Variants in PHACTR1 observed in about 807,000 individuals in gnomAD.
PHACTR1 encodes the protein phosphatase and actin regulator 1.
In PHACTR1, 16 loss-of-function variants were observed where a neutral mutation model predicts 69.2. The ratio of observed to expected loss-of-function variants is 0.23; its 90% confidence interval spans 0.16 to 0.35. The LOEUF is 0.35. Ranked by LOEUF, PHACTR1 falls within the 10% of genes least tolerant of loss-of-function variation. The probability of loss-of-function intolerance (pLI) is 1.00; values close to 1 mark genes in which losing one functional copy is unlikely to be tolerated. For missense variants in PHACTR1, 510 were observed against 734.7 expected, an observed-to-expected ratio of 0.69 and a Z score of 3.54; for synonymous variants, 312 against 284.5, an observed-to-expected ratio of 1.10 and a Z score of -0.97.
chr6:12,875,561 T>C (rs1324284771), intron 4 of PHACTR1, among the ~76,000 whole-genome samples: 2 of 152,208 alleles, frequency 1.3e-5, no homozygotes, highest in African/African-American at 2.4e-5. Flanking sequence ...GTCTTTATTA[T>C]CTTGTTCTTG....
chr6:12,726,675 T>C (rs1762835042), intron 3 of PHACTR1, among the ~76,000 whole-genome samples: 1 of 152,188 alleles, frequency 6.6e-6, no homozygotes. Context: ...GAGCCCTTCA[T>C]GTCATGACCT....
At chr6:13,214,363 T>A (rs1767358986) in intron 8 of PHACTR1, 1 of 152,216 alleles carries the variant, frequency 6.6e-6, no homozygotes, top group South Asian at 2.1e-4. Context: ...AGATCTTTAC[T>A]TGTCATGCCT....
intron 10 of PHACTR1, among the ~76,000 whole-genome samples, chr6:13,249,455 G>A (rs1584222911): frequency 6.6e-6 from 1 of 152,196 alleles, no homozygotes; most frequent in East Asian, 1.9e-4. Context: ...TGTGTTAAAG[G>A]CCCCAGAAGA....
At chr6:12,991,171 G>T (rs1173707840) in intron 4 of PHACTR1, among the ~76,000 whole-genome samples, 1 of 152,130 alleles carries the variant, frequency 6.6e-6, no homozygotes, top group East Asian at 1.9e-4. Flanking sequence ...CCTGTCCCTT[G>T]TTCCAGGAGG....
chr6:13,252,371 G>A (rs556001520), intron 10 of PHACTR1, among the ~76,000 whole-genome samples: 4 of 149,406 alleles, frequency 2.7e-5, no homozygotes, highest in Admixed American at 2.7e-4. Flanking sequence ...AAAGAAAAAA[G>A]TCTAAAAAAG....
intron 4 of PHACTR1, among the ~76,000 whole-genome samples, chr6:12,990,117 G>T (rs1796646879): frequency 2.6e-5 from 4 of 152,124 alleles, no homozygotes; most frequent in Non-Finnish European, 5.9e-5. Flanking sequence ...CACCCCACAA[G>T]CCCTTTTCCC....
intron 10 of PHACTR1, among the ~76,000 whole-genome samples, chr6:13,253,297 T>C (rs1291179284): frequency 6.6e-6 from 1 of 152,204 alleles, no homozygotes; most frequent in Non-Finnish European, 1.5e-5. Context: ...ATTTTTAACG[T>C]TTCATCCCTT....
chr6:12,959,202 A>AG lies in PHACTR1; in HGVS notation c.251-94163_251-94162insG, dbSNP rs1554181518. Among the ~76,000 whole-genome samples the AG allele has an allele frequency of 2.3e-3, 160 of 69,046 alleles. 1 individual carries two copies. The highest frequency in any genetic ancestry group is 0.016 in the African/African-American group (151 of 9,330). The allele number at this position is 69,046 out of a possible 152,430, so 45.3% of individuals were successfully genotyped here. ...AAAAAAAAAAAAAAAAAAAGAAAAG[A>AG]AAAAAAAAAGAAAAGAAAACAGAAA... On this transcript the variant is annotated intron_variant, in intron 4 of 14. Coordinates refer to ENST00000332995, the MANE Select transcript of PHACTR1 (RefSeq NM_030948.6).
At chr6:13,126,773 T>C (rs1819601883) in intron 5 of PHACTR1, among the ~76,000 whole-genome samples, 1 of 152,212 alleles carries the variant, frequency 6.6e-6, no homozygotes, top group Non-Finnish European at 1.5e-5. Flanking sequence ...ATCACACAAT[T>C]AGTAAATGGT....
At chr6:12,974,078 C>T (rs563584705) in intron 4 of PHACTR1, among the ~76,000 whole-genome samples, 38 of 152,068 alleles carry the variant, frequency 2.5e-4, no homozygotes, top group African/African-American at 7.0e-4. Context: ...TGCGCCACCA[C>T]GCCCGGCTAA....
At chr6:12,875,930 C>T (rs1348843118) in intron 4 of PHACTR1, among the ~76,000 whole-genome samples, 3 of 152,290 alleles carry the variant, frequency 2.0e-5, no homozygotes, top group African/African-American at 4.8e-5. Flanking sequence ...GGAAGGTCTG[C>T]TCCAGCATTC....
At chr6:12,736,883 A>T (rs1401855182) in intron 3 of PHACTR1, among the ~76,000 whole-genome samples, 1 of 152,040 alleles carries the variant, frequency 6.6e-6, no homozygotes, top group African/African-American at 2.4e-5. Flanking sequence ...TCTTGTCTCT[A>T]TTGATCTATT....
intron 7 of PHACTR1, among the ~76,000 whole-genome samples, chr6:13,204,340 G>A (rs1765611050): frequency 6.6e-6 from 1 of 152,052 alleles, no homozygotes; most frequent in Non-Finnish European, 1.5e-5. Flanking sequence ...AGAATCTATG[G>A]CCTCCGAGAT....
rs1360824043 is a variant in PHACTR1, at chr6:13,183,870, AGCTACCG to A, written c.664+1187_664+1193del. ...CAGAGTTTCAATCTGTCATCAGCCAAGCTACCGGCATGATAGGAAGGTGTGTGCCACC... is the reference window on the plus strand; with the variant it reads ...CAGAGTTTCAATCTGTCATCAGCCAAGCATGATAGGAAGGTGTGTGCCACC... On this transcript the variant is annotated intron_variant, in intron 7 of 14. Coordinates refer to ENST00000332995, the MANE Select transcript of PHACTR1 (RefSeq NM_030948.6). 3.3e-5 allele frequency among the ~76,000 whole-genome samples: 5 copies of A among 152,218 alleles called. No homozygotes were observed. The East Asian group carries it at 7.7e-4, about 23-fold the overall frequency.
intron 4 of PHACTR1, among the ~76,000 whole-genome samples, chr6:12,855,081 T>C (rs1158764113): frequency 6.6e-6 from 1 of 152,220 alleles, no homozygotes; most frequent in Non-Finnish European, 1.5e-5. Context: ...AAAGGACACA[T>C]GTACTCATAT....
chr6:13,057,626 C>T (rs12332827), intron 5 of PHACTR1, among the ~76,000 whole-genome samples: 25 of 152,158 alleles, frequency 1.6e-4, no homozygotes, highest in African/African-American at 6.0e-4. Context: ...TACCTTTATA[C>T]AAGGAATAAA....
At chr6:13,053,758 A>C (rs1306884873) in intron 5 of PHACTR1, among the ~76,000 whole-genome samples, 1 of 152,248 alleles carries the variant, frequency 6.6e-6, no homozygotes, top group Non-Finnish European at 1.5e-5. Context: ...CTAAAGAACC[A>C]CCCTTTTAAT....
chr6:13,119,485 T>C (rs1175676196), intron 5 of PHACTR1, among the ~76,000 whole-genome samples: 1 of 152,184 alleles, frequency 6.6e-6, no homozygotes, highest in Non-Finnish European at 1.5e-5. Context: ...CTGTGATGTA[T>C]GGGGAGTGCT....
At chr6:13,256,934 T>C (rs1775266653) in intron 10 of PHACTR1, among the ~76,000 whole-genome samples, 2 of 152,356 alleles carry the variant, frequency 1.3e-5, no homozygotes, top group Middle Eastern at 3.4e-3. Context: ...CACTTCCACA[T>C]ATCCAGGTAT....
Sources: gnomAD v4.1 joint callset for allele counts (sites outside exome capture counted in the v4.1 genomes callset) on GRCh38, gnomAD v4.1.1 for gene constraint, MANE v1.5 for transcripts, NCBI Gene and HGNC (gene_info 2026-07-23, HGNC 2026-07-21) for gene names.